CCSER1: variants seen among roughly 807,000 people sequenced by gnomAD.
CCSER1 encodes coiled-coil serine rich protein 1.
Under a neutral mutation model 82.0 loss-of-function variants are expected in CCSER1, and 41 were observed. The ratio of observed to expected loss-of-function variants is 0.50; its 90% CI spans 0.39 to 0.65. The LOEUF is 0.65. Ranked by LOEUF, CCSER1 falls within the 30% of genes least tolerant of loss-of-function variation. The probability of loss-of-function intolerance (pLI) is 0.00; values close to 1 mark genes in which losing one functional copy is unlikely to be tolerated. For synonymous variants in CCSER1, 414 were observed against 383.9 expected, an observed-to-expected ratio of 1.08 and a Z score of -0.92; for missense variants, 1,119 against 1,064.2, an observed-to-expected ratio of 1.05 and a Z score of -0.72.
chr4:90,447,481 A>G (rs1343523626), intron 4 of CCSER1, among the ~76,000 whole-genome samples: 1 of 152,182 alleles, frequency 6.6e-6, no homozygotes, highest in African/African-American at 2.4e-5. Context: ...TTTGTGTACT[A>G]TTGTATTTTC....
At chr4:90,785,020 CAGA>C (rs1233991843) in intron 7 of CCSER1, among the ~76,000 whole-genome samples, 2 of 124,208 alleles carry the variant, frequency 1.6e-5, no homozygotes, top group Non-Finnish European at 3.6e-5. Context: ...GTGGAAGAGG[CAGA>C]AGAATATTCA....
chr4:90,570,098 C>T (rs1331517883), intron 5 of CCSER1, among the ~76,000 whole-genome samples: 3 of 152,156 alleles, frequency 2.0e-5, no homozygotes, highest in African/African-American at 4.8e-5. Flanking sequence ...ACGATGACCT[C>T]CCCTCTCCCC....
At chr4:90,299,364 A>G (rs1198027877) in intron 1 of CCSER1, among the ~76,000 whole-genome samples, 1 of 152,062 alleles carries the variant, frequency 6.6e-6, no homozygotes, top group Non-Finnish European at 1.5e-5. Flanking sequence ...ATAAGCAATT[A>G]TTTGTTTTGG....
chr4:90,627,686 A>G (rs1206570482), intron 5 of CCSER1, among the ~76,000 whole-genome samples: 1 of 152,074 alleles, frequency 6.6e-6, no homozygotes, highest in African/African-American at 2.4e-5. Flanking sequence ...ATTTTAAAAA[A>G]CTACTATCAT....
At chr4:90,712,033 A>C (rs1034146719) in intron 6 of CCSER1, among the ~76,000 whole-genome samples, 166 of 151,500 alleles carry the variant, frequency 1.1e-3, no homozygotes, top group African/African-American at 4.0e-3. Flanking sequence ...TTTGAATCTT[A>C]CTTCTTTTCT....
At chr4:91,064,142 A>G (rs915023789) in intron 9 of CCSER1, among the ~76,000 whole-genome samples, 24 of 152,198 alleles carry the variant, frequency 1.6e-4, no homozygotes, top group African/African-American at 5.8e-4. Flanking sequence ...ACAGGGAAAC[A>G]TTAATTTTTT....
chr4:91,523,543 G>A (rs776995653), intron 10 of CCSER1, among the ~76,000 whole-genome samples: 7 of 151,958 alleles, frequency 4.6e-5, no homozygotes, highest in East Asian at 1.9e-4. Context: ...TTATTGCCTC[G>A]ATTTCAGAGC....
chr4:91,057,393 C>T (rs994589540), intron 9 of CCSER1, among the ~76,000 whole-genome samples: 2 of 152,118 alleles, frequency 1.3e-5, no homozygotes, highest in Non-Finnish European at 2.9e-5. Flanking sequence ...TGGTGTTCCC[C>T]ACCCCTTTGT....
In CCSER1 at chr4:90,358,147, A is replaced by T. The variant is rs10024622; in HGVS notation, c.1510-41889A>T. ...ATGATATTTTGACAAAAGATGTTTT[A>T]AAAATAGGAGTAAATAATACATCAA... On this transcript the variant is annotated intron_variant, in intron 3 of 10. Coordinates refer to ENST00000509176, the MANE Select transcript of CCSER1 (RefSeq NM_001145065.2). Among the ~76,000 whole-genome samples the T allele has an allele frequency of 8.0e-3, 1,212 of 152,220 alleles. 14 individuals carry two copies. Among genetic ancestry groups the T allele is most frequent in the African/African-American group, 0.028 (1,167 of 41,568 alleles).
chr4:90,228,023 CA>C (rs1743570982), intron 1 of CCSER1, among the ~76,000 whole-genome samples: 1 of 152,214 alleles, frequency 6.6e-6, no homozygotes. Context: ...GATCAAACTG[CA>C]AGGTGGCAGC....
intron 3 of CCSER1, among the ~76,000 whole-genome samples, chr4:90,315,091 C>T (rs1253873278): frequency 6.6e-6 from 1 of 152,028 alleles, no homozygotes; most frequent in African/African-American, 2.4e-5. Flanking sequence ...CTCAAGTGAT[C>T]CACCCGCCTC....
chr4:90,707,668 C>G (rs934617145), intron 6 of CCSER1, among the ~76,000 whole-genome samples: 1 of 152,010 alleles, frequency 6.6e-6, no homozygotes, highest in Non-Finnish European at 1.5e-5. Flanking sequence ...CCACACTCAC[C>G]CTTCTACAGT....
chr4:90,461,061 T>C (rs1762843293), intron 4 of CCSER1, among the ~76,000 whole-genome samples: 1 of 98,312 alleles, frequency 1.0e-5, no homozygotes, highest in Admixed American at 9.0e-5. Flanking sequence ...CTATTTTTTT[T>C]TTTTTTTTTT....
At chr4:91,081,191 A>G (rs1722688496) in intron 9 of CCSER1, among the ~76,000 whole-genome samples, 1 of 152,204 alleles carries the variant, frequency 6.6e-6, no homozygotes. Context: ...TAGGCAGCAA[A>G]TCAAAAAGCT....
chr4:90,948,402 C>T (rs1732513760), intron 9 of CCSER1, among the ~76,000 whole-genome samples: 1 of 151,674 alleles, frequency 6.6e-6, no homozygotes, highest in Non-Finnish European at 1.5e-5. Flanking sequence ...TGGAAGAGAA[C>T]ATTAATCAGA....
At chr4:90,636,106 C>G (rs977849097) in intron 6 of CCSER1, among the ~76,000 whole-genome samples, 3 of 151,668 alleles carry the variant, frequency 2.0e-5, no homozygotes. Flanking sequence ...AGCAATGAAT[C>G]TAGGGAGGAA....
At chr4:91,480,946 GTA>G (rs1757873530) in intron 10 of CCSER1, among the ~76,000 whole-genome samples, 1 of 152,098 alleles carries the variant, frequency 6.6e-6, no homozygotes, top group Admixed American at 6.5e-5. Context: ...GGTTGTGTGT[GTA>G]TGTGTGAGTG....
chr4:90,428,696 G>T (rs1171231408), intron 4 of CCSER1, among the ~76,000 whole-genome samples: 3 of 151,810 alleles, frequency 2.0e-5, no homozygotes, highest in Non-Finnish European at 4.4e-5. Context: ...GTCTTATTGG[G>T]TGCAAGAAAT....
intron 4 of CCSER1, among the ~76,000 whole-genome samples, chr4:90,466,670 A>G (rs1483585878): frequency 2.0e-5 from 3 of 152,252 alleles, no homozygotes; most frequent in African/African-American, 7.2e-5. Flanking sequence ...GAAAATTAAT[A>G]TAATATTAAA....
Sources: allele counts gnomAD v4.1 joint callset (sites outside exome capture counted in the v4.1 genomes callset), GRCh38; gene constraint gnomAD v4.1.1; transcripts MANE v1.5; gene names NCBI Gene and HGNC (gene_info 2026-07-23, HGNC 2026-07-21).